DACH2: variants seen among roughly 807,000 people sequenced by gnomAD.
The protein encoded by DACH2 is dachshund family transcription factor 2, also known as dachshund homolog 2.
A neutral mutation model predicts 35.8 loss-of-function variants in DACH2; 17 were observed. The observed-to-expected ratio is 0.48, with a 90% confidence interval of 0.33 to 0.71. DACH2 has a LOEUF of 0.71. Ranked by LOEUF, DACH2 falls within the 30% of genes least tolerant of loss-of-function variation. The pLI, the probability that DACH2 is intolerant of heterozygous loss-of-function variation, is 0.02. For missense variants in DACH2, 469 were observed against 472.7 expected (o/e 0.99, Z 0.07); for synonymous variants, 195 against 177.3 (o/e 1.10, Z -0.79).
intron 1 of DACH2, among the ~76,000 whole-genome samples, chrX:86,344,990 T>G (rs977297693): frequency 8.9e-6 from 1 of 112,337 alleles, no homozygotes; most frequent in Non-Finnish European, 1.9e-5. Context: ...GTAGTTATGA[T>G]TAGGAATTCC....
In DACH2 at chrX:86,514,389, C is replaced by T. The variant is rs771147483; in HGVS notation, c.638C>T (p.Thr213Ile). 8.3e-7 allele frequency: 1 copy of T among 1,202,712 alleles called. No homozygotes were observed. The highest frequency in any genetic ancestry group is 3.0e-5 in the East Asian group (1 of 33,652). Reference sequence around the variant, plus strand: ...TTATCGCCAGGACTTATCACTCCGACAGGTAATAAAATCCATCTGATGATC... The same window carrying T: ...TTATCGCCAGGACTTATCACTCCGATAGGTAATAAAATCCATCTGATGATC... ...GLLSPGLITP[T>I]GITAAAMAEA... is the part of the protein sequence containing the mutation. The change falls in exon 3 of 12, where the codon ACA becomes ATA. Residue 213 changes from threonine to isoleucine, a missense_variant and splice_region_variant. By Grantham distance (89) the Thr-to-Ile change is moderately conservative. Around this residue, in one of 3 missense-constraint regions of DACH2, gnomAD observed 363 missense variants for 334.4 expected, o/e 1.09. Transcript: ENST00000373125.
intron 1 of DACH2, among the ~76,000 whole-genome samples, chrX:86,321,304 A>T (rs1342364611): frequency 8.9e-6 from 1 of 111,798 alleles, no homozygotes; most frequent in Admixed American, 9.5e-5. Context: ...AATTTTAAAA[A>T]GGGCCTGTGT....
intron 2 of DACH2, among the ~76,000 whole-genome samples, chrX:86,427,763 C>A (rs2148166038): frequency 9.0e-6 from 1 of 111,302 alleles, no homozygotes; most frequent in Admixed American, 9.6e-5. Context: ...CAACTTTGTT[C>A]AAAAAATGGA....
At chrX:86,695,244 AC>A (rs1240946767) in intron 5 of DACH2, 65 bp downstream of exon 5, 10 of 873,548 alleles carry the variant, frequency 1.1e-5, no homozygotes, top group Non-Finnish European at 1.5e-5. Context: ...CCTACTAGAA[AC>A]CTTTGGCTGG....
intron 1 of DACH2, among the ~76,000 whole-genome samples, chrX:86,251,743 G>A (rs1258257961): frequency 1.8e-5 from 2 of 111,703 alleles, no homozygotes; most frequent in East Asian, 2.8e-4. Context: ...CTCGTTGATT[G>A]ATGGGCATTT....
At chrX:86,373,473 C>G (rs2035920396) in intron 1 of DACH2, among the ~76,000 whole-genome samples, 1 of 110,969 alleles carries the variant, frequency 9.0e-6, no homozygotes, top group Admixed American at 9.6e-5. Flanking sequence ...ACAGATATGA[C>G]AGTCTTTGGG....
intron 1 of DACH2, among the ~76,000 whole-genome samples, chrX:86,166,858 G>T (rs942277182): frequency 6.3e-5 from 7 of 111,515 alleles, no homozygotes; most frequent in Non-Finnish European, 1.3e-4. Context: ...GACATGATGT[G>T]TCAAAACGAT....
rs759726353 is a variant in DACH2, at chrX:86,514,350, C to G, written c.599C>G (p.Ala200Gly). ...LQENARLLTHAVPGLLSPGLI... is the reference protein window; with the variant it reads ...LQENARLLTHGVPGLLSPGLI... Reference sequence around the variant, plus strand: ...GAAAATGCCCGCCTTCTGACCCATGCAGTCCCAGGCCTCTTATCGCCAGGA... The same window carrying G: ...GAAAATGCCCGCCTTCTGACCCATGGAGTCCCAGGCCTCTTATCGCCAGGA... Residue 200 changes from alanine to glycine, a missense_variant, in exon 3 of 12, where the codon GCA becomes GGA. Physicochemically the swap from Ala to Gly is moderately conservative, Grantham distance 60. Around this residue, in one of 3 missense-constraint regions of DACH2, gnomAD observed 363 missense variants for 334.4 expected, o/e 1.09. Coordinates refer to ENST00000373125, the MANE Select transcript of DACH2 (RefSeq NM_053281.3). The G allele has an allele frequency of 1.2e-5, 15 of 1,211,007 alleles. No individual in the cohort carries two copies. The highest frequency in any genetic ancestry group is 1.5e-5 in the Non-Finnish European group (13 of 895,216).
chrX:86,413,838 C>T (rs746114222), intron 2 of DACH2, among the ~76,000 whole-genome samples: 14 of 110,656 alleles, frequency 1.3e-4, no homozygotes, highest in African/African-American at 4.3e-4. Context: ...ACCTACTGGA[C>T]CCACTGTAAG....
intron 1 of DACH2, among the ~76,000 whole-genome samples, chrX:86,294,756 C>T (rs2034404854): frequency 9.1e-6 from 1 of 110,003 alleles, no homozygotes; most frequent in South Asian, 3.9e-4. Context: ...CAGGGACCCA[C>T]TTGAGGAGGC....
At chrX:86,478,542 C>CTTTTTTTTTTTTTTTTT (rs767463672) in intron 2 of DACH2, among the ~76,000 whole-genome samples, 1 of 86,947 alleles carries the variant, frequency 1.2e-5, no homozygotes, top group Non-Finnish European at 2.3e-5. Context: ...TTTTGTTTTT[C>CTTTTTTTTTTTTTTTTT]TTTTTTTTTT....
chrX:86,303,771 G>A (rs756777052), intron 1 of DACH2, among the ~76,000 whole-genome samples: 35 of 109,793 alleles, frequency 3.2e-4, no homozygotes, highest in African/African-American at 1.2e-3. Context: ...CTGACTTATA[G>A]AGTGAATCTT....
rs2033475997 is a variant in DACH2 at position 86,254,793 on chromosome X, T to TTCAA, written c.488+105685_488+105686insTCAA. 4.5e-5 allele frequency among the ~76,000 whole-genome samples: 3 copies of TTCAA among 66,853 alleles called. 1 individual carries two copies. The highest frequency in any genetic ancestry group is 2.1e-4 in the African/African-American group (3 of 14,318). The allele number at this position is 66,853 out of a possible 115,157, so 58.1% of individuals were successfully genotyped here. A position where few individuals can be genotyped will look rare whatever the true frequency, so the allele number is the denominator to read the frequency against. On this transcript the variant is annotated intron_variant, in intron 1 of 11. Transcript: ENST00000373125. The stretch of plus-strand genomic sequence containing the variant: ...ATTCAAATAAATAAATATATATATA[T>TTCAA]ATATATATATATATAGAGAGAGAGA...
chrX:86,510,131 C>A (rs2038377045), intron 2 of DACH2, among the ~76,000 whole-genome samples: 2 of 112,029 alleles, frequency 1.8e-5, no homozygotes, highest in Admixed American at 9.5e-5. Flanking sequence ...TATTAAATAT[C>A]TTTAAAGCTT....
At chrX:86,640,159 G>GT (rs2040327479) in intron 3 of DACH2, among the ~76,000 whole-genome samples, 1 of 110,651 alleles carries the variant, frequency 9.0e-6, no homozygotes, top group African/African-American at 3.3e-5. Context: ...CTCCTCATCT[G>GT]GCAGGCCCTC....
intron 2 of DACH2, among the ~76,000 whole-genome samples, chrX:86,430,214 C>T (rs991278899): frequency 8.9e-6 from 1 of 111,997 alleles, no homozygotes; most frequent in African/African-American, 3.3e-5. Context: ...AAGCTTTAAA[C>T]CTGAGGTATT....
intron 2 of DACH2, among the ~76,000 whole-genome samples, chrX:86,489,849 G>A (rs185131818): frequency 9.0e-6 from 1 of 111,505 alleles, no homozygotes; most frequent in East Asian, 2.8e-4. Context: ...AATTACTCTG[G>A]ATAAAATTTG....
In DACH2 at chrX:86,502,035, C is replaced by CTTCCTTCCTTCCTTCCTTCT. The variant is rs1556274961; in HGVS notation, c.528-12240_528-12221dup. Reference sequence around the variant, plus strand: ...CTTTCCTTCCTTCCTTCCTTCCTTCCTTCCTTCCTTCCTTCCTTCTTTCTT... The same window carrying CTTCCTTCCTTCCTTCCTTCT: ...CTTTCCTTCCTTCCTTCCTTCCTTCCTTCCTTCCTTCCTTCCTTCTTTCCTTCCTTCCTTCCTTCTTTCTT... On this transcript the variant is annotated intron_variant, in intron 2 of 11. Transcript: ENST00000373125. 5.7e-3 allele frequency among the ~76,000 whole-genome samples: 603 copies of CTTCCTTCCTTCCTTCCTTCT among 106,377 alleles called. 11 individuals carry two copies. The highest frequency in any genetic ancestry group is 0.02 in the African/African-American group (569 of 27,954). The allele number at this position is 106,377 out of a possible 115,157, so 92.4% of individuals were successfully genotyped here. A position where few individuals can be genotyped will look rare whatever the true frequency, so the allele number is the denominator to read the frequency against.
intron 2 of DACH2, among the ~76,000 whole-genome samples, chrX:86,383,358 T>G (rs1416090896): frequency 9.2e-6 from 1 of 108,377 alleles, no homozygotes; most frequent in East Asian, 2.9e-4. Context: ...CTTTATCACC[T>G]GCATTATTCA....
Sources: allele counts gnomAD v4.1 joint callset (sites outside exome capture counted in the v4.1 genomes callset), GRCh38; gene constraint gnomAD v4.1.1; regional missense constraint gnomAD v4.1.1; transcripts MANE v1.5; gene names NCBI Gene and HGNC (gene_info 2026-07-23, HGNC 2026-07-21).